CFAP299: variants seen among roughly 807,000 people sequenced by gnomAD.
CFAP299 encodes the protein cilia- and flagella-associated protein 299.
Under a neutral mutation model 27.0 loss-of-function variants are expected in CFAP299, and 21 were observed. The ratio of observed to expected loss-of-function variants is 0.78; its 90% CI spans 0.55 to 1.12. The LOEUF (loss-of-function observed/expected upper bound fraction) is 1.12. Ranked by LOEUF, CFAP299 falls within the 50% of genes most tolerant of loss-of-function variation. The pLI is 0.00. For missense variants in CFAP299, 310 were observed against 276.6 expected, an observed-to-expected ratio of 1.12 and a Z score of -0.86; for synonymous variants, 104 against 98.1, an observed-to-expected ratio of 1.06 and a Z score of -0.36.
chr4:80,446,016 T>C (rs919955584), intron 2 of CFAP299, among the ~76,000 whole-genome samples: 2 of 152,192 alleles, frequency 1.3e-5, no homozygotes, highest in African/African-American at 4.8e-5. Context: ...CTCCCTTTGA[T>C]ATTTATGCTG....
chr4:80,421,141 A>G (rs571190615), intron 2 of CFAP299, among the ~76,000 whole-genome samples: 2 of 152,288 alleles, frequency 1.3e-5, no homozygotes, highest in East Asian at 3.9e-4. Flanking sequence ...CTTCCTTGAT[A>G]TATACTAACA....
chr4:80,617,839 A>G (rs1286049319), intron 3 of CFAP299, among the ~76,000 whole-genome samples: 2 of 152,158 alleles, frequency 1.3e-5, no homozygotes, highest in African/African-American at 2.4e-5. Flanking sequence ...TCAAAACATT[A>G]ACAGAGGAAG....
chr4:80,953,296 A>C (rs956638397), intron 5 of CFAP299, among the ~76,000 whole-genome samples: 1 of 152,090 alleles, frequency 6.6e-6, no homozygotes, highest in African/African-American at 2.4e-5. Context: ...TGGCACAGTC[A>C]CAGTTATTAA....
At chr4:80,608,198 G>A (rs1006165820) in intron 3 of CFAP299, 31 of 546,728 alleles carry the variant, frequency 5.7e-5, no homozygotes, top group Non-Finnish European at 7.7e-5. Flanking sequence ...AAGTGTTGTC[G>A]AGACTAAGTA....
At chr4:80,334,710 C>G (rs1722055942), upstream of CFAP299, among the ~76,000 whole-genome samples, 1 of 152,050 alleles carries the variant, frequency 6.6e-6, no homozygotes, top group African/African-American at 2.4e-5. Flanking sequence ...AACAAAAAAA[C>G]AAGTTAGTAG....
chr4:80,324,502 C>T, the CFAP299 span, among the ~76,000 whole-genome samples: 1 of 152,168 alleles, frequency 6.6e-6, no homozygotes, highest in East Asian at 1.9e-4. Context: ...TAATCTATCA[C>T]TATTAATGCA....
In CFAP299 at chr4:80,746,799, T is replaced by G. The variant is rs181169974; in HGVS notation, c.334-123194T>G. On this transcript the variant is annotated intron_variant, in intron 3 of 5. Transcript: ENST00000358105. The stretch of plus-strand genomic sequence containing the variant: ...AAATAGTAAGAGATATTATATAATC[T>G]TATTTATAATGTGTTTTTCAGTTAA... 1.1e-3 allele frequency among the ~76,000 whole-genome samples: 170 copies of G among 152,148 alleles called. 2 individuals are homozygous for G. The highest frequency in any genetic ancestry group is 3.8e-3 in the African/African-American group (158 of 41,568).
At chr4:80,870,828 C>T in intron 4 of CFAP299, 1 of 984,908 alleles carries the variant, frequency 1.0e-6, no homozygotes, top group Non-Finnish European at 1.2e-6. Context: ...ATAACAATAC[C>T]TACCTCCTCT....
chr4:80,775,006 G>A (rs1485126150), intron 3 of CFAP299, among the ~76,000 whole-genome samples: 1 of 151,424 alleles, frequency 6.6e-6, no homozygotes, highest in African/African-American at 2.4e-5. Flanking sequence ...GTATACATAT[G>A]TAACTAACCT....
chr4:80,357,640 T>A (rs542881904), intron 1 of CFAP299, among the ~76,000 whole-genome samples: 1 of 152,166 alleles, frequency 6.6e-6, no homozygotes, highest in Non-Finnish European at 1.5e-5. Context: ...GTTCATAATA[T>A]TCTCTGATGT....
chr4:80,938,168 A>T (rs936907161), intron 4 of CFAP299, among the ~76,000 whole-genome samples: 11 of 152,182 alleles, frequency 7.2e-5, no homozygotes, highest in African/African-American at 2.7e-4. Context: ...TTACATAATC[A>T]TTATAGTATT....
intron 2 of CFAP299, among the ~76,000 whole-genome samples, chr4:80,558,090 G>T (rs1416409217): frequency 6.6e-6 from 1 of 152,070 alleles, no homozygotes; most frequent in African/African-American, 2.4e-5. Context: ...AACTGAATTA[G>T]TATGAGAGAA....
At chr4:80,713,906 C>T (rs931047319) in intron 3 of CFAP299, among the ~76,000 whole-genome samples, 8 of 152,130 alleles carry the variant, frequency 5.3e-5, no homozygotes, top group Non-Finnish European at 1.0e-4. Context: ...CATTTAACTT[C>T]CAGTTTATAA....
chr4:80,935,832 A>G (rs533273023), intron 4 of CFAP299, among the ~76,000 whole-genome samples: 1 of 152,318 alleles, frequency 6.6e-6, no homozygotes, highest in Admixed American at 6.5e-5. Flanking sequence ...CAAAGGTTCT[A>G]TCCATTATCT....
chr4:80,843,408 A>T (rs1043170740), intron 3 of CFAP299, among the ~76,000 whole-genome samples: 2 of 152,042 alleles, frequency 1.3e-5, no homozygotes, highest in African/African-American at 4.8e-5. Context: ...AAGGACATGA[A>T]CTCATCCTTT....
intron 3 of CFAP299, among the ~76,000 whole-genome samples, chr4:80,711,927 C>A (rs1391256747): frequency 6.6e-6 from 1 of 152,156 alleles, no homozygotes; most frequent in Non-Finnish European, 1.5e-5. Context: ...TCAAAATGTG[C>A]AGCTGGAGTT....
intron 3 of CFAP299, among the ~76,000 whole-genome samples, chr4:80,800,170 TA>T (rs1461605370): frequency 2.9e-5 from 2 of 69,716 alleles, no homozygotes; most frequent in East Asian, 1.0e-3. Context: ...ATAATACATA[TA>T]ATATATAATA....
chr4:80,468,490 C>G (rs1729822412), intron 2 of CFAP299, among the ~76,000 whole-genome samples: 1 of 152,020 alleles, frequency 6.6e-6, no homozygotes, highest in Non-Finnish European at 1.5e-5. Flanking sequence ...TCCCGAAGTG[C>G]TGGGATTATA....
chr4:80,586,762 C>T, intron 3 of CFAP299, among the ~76,000 whole-genome samples: 1 of 152,098 alleles, frequency 6.6e-6, no homozygotes, highest in African/African-American at 2.4e-5. Context: ...CCTTTCTAAT[C>T]AAAGACTCAT....
Sources: allele counts gnomAD v4.1 joint callset (sites outside exome capture counted in the v4.1 genomes callset), GRCh38; gene constraint gnomAD v4.1.1; transcripts MANE v1.5; gene names NCBI Gene and HGNC (gene_info 2026-07-23, HGNC 2026-07-21).